Variants in MIB1 observed in about 807,000 individuals in gnomAD.
MIB1 encodes the protein E3 ubiquitin-protein ligase MIB1.
In MIB1, 278 loss-of-function variants were observed where a neutral mutation model predicts 124.5. The observed-to-expected ratio is 2.23, with a 90% confidence interval of 2.02 to 2.47. MIB1 has a LOEUF of 2.47. Among genes scored for constraint, MIB1 ranks in the 30% most tolerant of loss-of-function variants. The pLI, the probability that MIB1 is intolerant of heterozygous loss-of-function variation, is 0.00. For synonymous variants in MIB1, 446 were observed against 429.4 expected (o/e 1.04, Z -0.48); for missense variants, 957 against 1,254.4 (o/e 0.76, Z 3.58).
chr18:21,740,943 G>C lies in MIB1; in HGVS notation c.-641G>C, dbSNP rs2040841378. ...TGCCGCTCCGGCCTTGGGTACGGCG[G>C]TACCCGGATGTGGAGTCGCTCTCGC... On this transcript the variant is annotated 5_prime_UTR_variant, in exon 1 of 21. Transcript: ENST00000261537. Among the ~76,000 whole-genome samples the C allele has an allele frequency of 6.6e-6, 1 of 152,234 alleles. No individual in the cohort carries two copies. The highest frequency in any genetic ancestry group is 2.1e-4 in the South Asian group (1 of 4,838).
chr18:21,759,227 G>T (rs868661667), intron 1 of MIB1, among the ~76,000 whole-genome samples: 42 of 150,102 alleles, frequency 2.8e-4, no homozygotes, highest in Admixed American at 1.8e-3. Context: ...GTATATATAT[G>T]TGTATATATA....
At chr18:21,804,500 A>G (rs2041682709) in intron 10 of MIB1, among the ~76,000 whole-genome samples, 1 of 152,254 alleles carries the variant, frequency 6.6e-6, no homozygotes, top group Admixed American at 6.5e-5. Flanking sequence ...GTGTGTATAT[A>G]TGCTTCATTT....
At position 21,849,640 on chromosome 18, in the gene MIB1, A is replaced by G. The variant is rs373248922; in HGVS notation, c.2586+252A>G. On this transcript the variant is annotated intron_variant, in intron 17 of 20. Coordinates refer to ENST00000261537, the MANE Select transcript of MIB1 (RefSeq NM_020774.4). ...TTGAGTTTATTGATACACCATTTTTACTGTCAAATTTTTTTAGCTCTTAAT... is the reference window on the plus strand; with the variant it reads ...TTGAGTTTATTGATACACCATTTTTGCTGTCAAATTTTTTTAGCTCTTAAT... Among the ~76,000 whole-genome samples, 31 of 152,144 alleles carry G rather than the reference A, an allele frequency of 2.0e-4. No individual in the cohort carries two copies. The Middle Eastern group carries it at 0.024, about 117-fold the overall frequency.
At chr18:21,780,337 C>T (rs928571208) in intron 6 of MIB1, among the ~76,000 whole-genome samples, 7 of 152,088 alleles carry the variant, frequency 4.6e-5, no homozygotes, top group African/African-American at 1.2e-4. Context: ...TTTTTTTCCC[C>T]GTATCTAGCT....
chr18:21,791,955 A>G (rs1359041257), intron 7 of MIB1, among the ~76,000 whole-genome samples: 1 of 152,186 alleles, frequency 6.6e-6, no homozygotes, highest in African/African-American at 2.4e-5. Context: ...CAGCTCAGAA[A>G]TGTGTGTGCT....
chr18:21,784,050 C>CTTTT (rs1175848884), intron 6 of MIB1, among the ~76,000 whole-genome samples: 20 of 132,736 alleles, frequency 1.5e-4, no homozygotes, highest in African/African-American at 4.7e-4. Flanking sequence ...GCCTGTGTTG[C>CTTTT]TTTTTTTTTT....
At position 21,741,547 on chromosome 18, in the gene MIB1, G is replaced by A. The variant is rs1034945519; in HGVS notation, c.-37G>A. ...GCCCCCCGGCGGCAGCGGCGGCGGCGGCGGCGGCAGCGGCGGAGCCCACCG... is the reference window on the plus strand; with the variant it reads ...GCCCCCCGGCGGCAGCGGCGGCGGCAGCGGCGGCAGCGGCGGAGCCCACCG... On this transcript the variant is annotated 5_prime_UTR_variant, in exon 1 of 21. Transcript: ENST00000261537. The surrounding 1 kb of genome is among the most constrained non-coding windows in gnomAD (Gnocchi z 5.4). 4 of 1,309,706 alleles carry A rather than the reference G, an allele frequency of 3.1e-6. No homozygotes were observed. The allele number at this position is 1,309,706 out of a possible 1,614,324, so 81.1% of individuals were successfully genotyped here. A position where few individuals can be genotyped will look rare whatever the true frequency, so the allele number is the denominator to read the frequency against.
chr18:21,852,494 A>G (rs547983470), intron 17 of MIB1, among the ~76,000 whole-genome samples: 1 of 152,270 alleles, frequency 6.6e-6, no homozygotes, highest in South Asian at 2.1e-4. Flanking sequence ...AAGGTGGTTA[A>G]TAGTTAAATG....
intron 10 of MIB1, among the ~76,000 whole-genome samples, chr18:21,806,717 G>A (rs1480381713): frequency 6.0e-5 from 9 of 151,086 alleles, no homozygotes; most frequent in South Asian, 2.1e-4. Context: ...TCTGCCTCCC[G>A]GGTTCACGCC....
intron 13 of MIB1, among the ~76,000 whole-genome samples, chr18:21,841,440 A>G (rs1447761952): frequency 6.6e-6 from 1 of 152,236 alleles, no homozygotes; most frequent in African/African-American, 2.4e-5. Flanking sequence ...CATCCACTTT[A>G]CTAAAGGAGA....
At chr18:21,766,764 C>T (rs1005956816) in intron 2 of MIB1, among the ~76,000 whole-genome samples, 7 of 151,896 alleles carry the variant, frequency 4.6e-5, no homozygotes, top group African/African-American at 1.7e-4. Context: ...TAAGGCTGGG[C>T]GGGTGGCTCA....
At chr18:21,848,825 AGG>A (rs2042157179) in intron 16 of MIB1, among the ~76,000 whole-genome samples, 1 of 152,148 alleles carries the variant, frequency 6.6e-6, no homozygotes, top group Non-Finnish European at 1.5e-5. Context: ...GGGGCTAGTG[AGG>A]ATTTTTGTTT....
intron 18 of MIB1, among the ~76,000 whole-genome samples, chr18:21,855,384 G>A (rs2042217409): frequency 6.6e-6 from 1 of 152,240 alleles, no homozygotes; most frequent in South Asian, 2.1e-4. Context: ...AATACAGATA[G>A]AAACAACACA....
chr18:21,714,203 G>GCCT (rs1191658706), intron 1 of MIB1, among the ~76,000 whole-genome samples: 1 of 152,100 alleles, frequency 6.6e-6, no homozygotes, highest in Non-Finnish European at 1.5e-5. Context: ...CACTCTAGGT[G>GCCT]CCTCCTCCTC....
At position 21,866,115 on chromosome 18, in the gene MIB1, C is replaced by A. The variant is rs1310709934; in HGVS notation, c.*1449C>A. 1 of 152,114 alleles carries A rather than the reference C, an allele frequency of 6.6e-6. No homozygotes were observed. Among genetic ancestry groups the A allele is most frequent in the East Asian group, 1.9e-4 (1 of 5,188 alleles). The allele number at this position is 152,114 out of a possible 1,614,324, so 9.4% of individuals were successfully genotyped here. ...ATCCTCTTTTGTAGTTTTTTTCCCT[C>A]CTTTAAATCTGGCTAGCTTTTCTTA... On this transcript the variant is annotated 3_prime_UTR_variant, in exon 21 of 21. Transcript: ENST00000261537.
At chr18:21,726,347 G>A (rs1354646951) in intron 1 of MIB1, among the ~76,000 whole-genome samples, 2 of 152,102 alleles carry the variant, frequency 1.3e-5, no homozygotes, top group African/African-American at 2.4e-5. Context: ...GAGCCCAGGA[G>A]TTTGAAACCA....
rs2146511474 is a variant in MIB1 at position 21,849,353 on chromosome 18, C to T, written c.2551C>T (p.Leu851Phe). 1 of 1,611,826 alleles carries T rather than the reference C, an allele frequency of 6.2e-7. No individual in the cohort carries two copies. The highest frequency in any genetic ancestry group is 8.5e-7 in the Non-Finnish European group (1 of 1,178,972). The change falls in exon 17 of 21, where the codon CTC becomes TTC. Residue 851 changes from leucine to phenylalanine, a missense_variant. Transcript: ENST00000261537. Reference sequence around the variant, plus strand: ...ATGTTCTCCACGTGTCAAGAAATGCCTCATCTGTAAAGAACAGGTTCAATC... The same window carrying T: ...ATGTTCTCCACGTGTCAAGAAATGCTTCATCTGTAAAGAACAGGTTCAATC... ...SLCSPRVKKC[L>F]ICKEQVQSRT...
chr18:21,756,828 T>A (rs979921548), intron 1 of MIB1, among the ~76,000 whole-genome samples: 4 of 152,200 alleles, frequency 2.6e-5, no homozygotes, highest in African/African-American at 7.2e-5. Flanking sequence ...TGTAAAAAAA[T>A]GCCAAAAATA....
intron 1 of MIB1, among the ~76,000 whole-genome samples, chr18:21,759,483 C>T (rs2041073900): frequency 6.6e-6 from 1 of 151,952 alleles, no homozygotes; most frequent in African/African-American, 2.4e-5. Flanking sequence ...CCTCTTGATC[C>T]GCCTGCCTCG....
Sources: gnomAD v4.1 joint callset for allele counts (sites outside exome capture counted in the v4.1 genomes callset) on GRCh38, gnomAD v4.1.1 for gene constraint, Gnocchi (gnomAD v3.1) non-coding constraint, MANE v1.5 for transcripts, NCBI Gene and HGNC (gene_info 2026-07-23, HGNC 2026-07-21) for gene names.